TEX36: variants seen among roughly 807,000 people sequenced by gnomAD.
The protein encoded by TEX36 is testis expressed 36.
A neutral mutation model predicts 13.6 loss-of-function variants in TEX36; 12 were observed. The ratio of observed to expected loss-of-function variants is 0.88; its 90% CI spans 0.56 to 1.43. The LOEUF (loss-of-function observed/expected upper bound fraction) is 1.43. Ranked by LOEUF, TEX36 falls within the 40% of genes most tolerant of loss-of-function variation. The pLI is 0.00. For missense variants in TEX36, 224 were observed against 228.3 expected, an observed-to-expected ratio of 0.98 and a Z score of 0.12; for synonymous variants, 93 against 83.0, an observed-to-expected ratio of 1.12 and a Z score of -0.65.
At chr10:125,624,445 C>T (rs991460027) in intron 3 of TEX36, among the ~76,000 whole-genome samples, 1 of 152,098 alleles carries the variant, frequency 6.6e-6, no homozygotes, top group African/African-American at 2.4e-5. Context: ...CTGAATCAGA[C>T]CAAAGGATTT....
chr10:125,595,590 G>C (rs1415631112), intron 3 of TEX36, among the ~76,000 whole-genome samples: 1 of 152,070 alleles, frequency 6.6e-6, no homozygotes, highest in East Asian at 1.9e-4. Flanking sequence ...CCACCTTTCT[G>C]TCCTGCCCTC....
intron 3 of TEX36, among the ~76,000 whole-genome samples, chr10:125,660,083 A>T (rs1847009775): frequency 6.6e-6 from 1 of 152,186 alleles, no homozygotes; most frequent in African/African-American, 2.4e-5. Flanking sequence ...TATATTGATT[A>T]CATGTTGAAT....
At chr10:125,640,520 T>C (rs903047766) in intron 3 of TEX36, among the ~76,000 whole-genome samples, 9 of 152,218 alleles carry the variant, frequency 5.9e-5, no homozygotes, top group African/African-American at 2.2e-4. Context: ...GGTATAGCCA[T>C]AACATGTTTA....
chr10:125,600,303 G>A (rs1181435835), intron 3 of TEX36, among the ~76,000 whole-genome samples: 4 of 152,168 alleles, frequency 2.6e-5, no homozygotes, highest in Non-Finnish European at 5.9e-5. Flanking sequence ...TGGCTCACGT[G>A]TAGGCTGAGG....
intron 3 of TEX36, among the ~76,000 whole-genome samples, chr10:125,645,197 G>A (rs1373125531): frequency 6.6e-6 from 1 of 152,186 alleles, no homozygotes; most frequent in Non-Finnish European, 1.5e-5. Context: ...CACTAAATTT[G>A]TAGTCACTTG....
chr10:125,622,432 A>C (rs1846437848), intron 3 of TEX36, among the ~76,000 whole-genome samples: 1 of 152,242 alleles, frequency 6.6e-6, no homozygotes, highest in African/African-American at 2.4e-5. Context: ...TCATTTCTAC[A>C]ACTGGTCACG....
chr10:125,582,435 C>T (rs555415794), intron 3 of TEX36, among the ~76,000 whole-genome samples: 1 of 152,272 alleles, frequency 6.6e-6, no homozygotes, highest in East Asian at 1.9e-4. Flanking sequence ...GATAACTTCC[C>T]CAGTCTCAAG....
intron 3 of TEX36, among the ~76,000 whole-genome samples, chr10:125,597,460 C>T (rs1275578163): frequency 6.6e-6 from 1 of 152,202 alleles, no homozygotes; most frequent in Non-Finnish European, 1.5e-5. Flanking sequence ...CAATAGCTTA[C>T]AAGCAAGAGT....
At position 125,599,502 on chromosome 10, in the gene TEX36, G is replaced by A. The variant is rs149104420; in HGVS notation, c.265-22628C>T. Among the ~76,000 whole-genome samples the A allele has an allele frequency of 3.4e-3, 518 of 152,226 alleles. 5 individuals are homozygous for A. Among genetic ancestry groups the A allele is most frequent in the African/African-American group, 0.012 (485 of 41,534 alleles). On this transcript the variant is annotated intron_variant, in intron 3 of 3. Transcript: ENST00000532135. ...TTCTGCATTTCCTTCCTTTGTAACA[G>A]GTGTCTTTCAGTATCATGTTCTTAG...
At chr10:125,654,780 G>A (rs1395783144), downstream of TEX36, among the ~76,000 whole-genome samples, 1 of 152,168 alleles carries the variant, frequency 6.6e-6, no homozygotes, top group African/African-American at 2.4e-5. Flanking sequence ...ATGATAATGT[G>A]AGAGGGGATA....
At chr10:125,597,630 T>A (rs1271973218) in intron 3 of TEX36, among the ~76,000 whole-genome samples, 1 of 152,168 alleles carries the variant, frequency 6.6e-6, no homozygotes, top group African/African-American at 2.4e-5. Flanking sequence ...GATTTGCAAT[T>A]GGTCAAGGAA....
chr10:125,669,480 C>CA lies in TEX36; in HGVS notation c.52-7504dup, dbSNP rs151234839. On this transcript the variant is annotated intron_variant, in intron 1 of 3. Coordinates refer to ENST00000368821, the MANE Select transcript of TEX36 (RefSeq NM_001128202.3). Reference sequence around the variant, plus strand: ...GGGCAACAAGAGTGAAACTTTGTCTCAAAAAAAAAAAGAAAAATTCCTCGG... The same window carrying CA: ...GGGCAACAAGAGTGAAACTTTGTCTCAAAAAAAAAAAAGAAAAATTCCTCGG... 5.6e-3 allele frequency among the ~76,000 whole-genome samples: 778 copies of CA among 138,378 alleles called. 12 individuals carry two copies. Among genetic ancestry groups the CA allele is most frequent in the African/African-American group, 0.017 (644 of 37,434 alleles). The allele number at this position is 138,378 out of a possible 152,430, so 90.8% of individuals were successfully genotyped here.
intron 3 of TEX36, among the ~76,000 whole-genome samples, chr10:125,577,367 G>A (rs1406090600): frequency 1.3e-5 from 2 of 152,104 alleles, no homozygotes; most frequent in East Asian, 1.9e-4. Flanking sequence ...GCATGTTGGC[G>A]CACGCCTGTA....
intron 3 of TEX36, among the ~76,000 whole-genome samples, chr10:125,633,017 C>G (rs543266512): frequency 6.6e-6 from 1 of 151,990 alleles, no homozygotes; most frequent in African/African-American, 2.4e-5. Context: ...CCAGCTACTC[C>G]GGAGTCTGAG....
At chr10:125,577,542 T>C (rs745630233) in intron 3 of TEX36, among the ~76,000 whole-genome samples, 15 of 152,242 alleles carry the variant, frequency 9.9e-5, no homozygotes, top group Non-Finnish European at 1.6e-4. Context: ...AAGTATTCAT[T>C]ATTTTAAATC....
intron 3 of TEX36, among the ~76,000 whole-genome samples, chr10:125,597,816 G>A (rs964982507): frequency 6.6e-5 from 10 of 152,258 alleles, no homozygotes; most frequent in African/African-American, 1.2e-4. Context: ...TCCATTTGGC[G>A]GGGGGCCTGG....
intron 3 of TEX36, among the ~76,000 whole-genome samples, chr10:125,616,072 G>A (rs1846353733): frequency 6.6e-6 from 1 of 152,194 alleles, no homozygotes; most frequent in South Asian, 2.1e-4. Flanking sequence ...TATTTGCGTA[G>A]AGGTGTTTGT....
rs1281799405 is a variant in TEX36, at chr10:125,682,908, G to A, written c.51+31C>T. ...TGTTGACCACACCCACGTGGCATGA[G>A]AAAGGCACCAGGGGCCACCATCTTC... On this transcript the variant is annotated intron_variant, in intron 1 of 3. Transcript: ENST00000368821. 4 of 1,551,650 alleles carry A rather than the reference G, an allele frequency of 2.6e-6. No homozygotes were observed. In the East Asian group the frequency reaches 9.8e-5, roughly 38 times the overall value.
intron 3 of TEX36, among the ~76,000 whole-genome samples, chr10:125,588,424 G>C (rs1338848236): frequency 6.6e-6 from 1 of 152,174 alleles, no homozygotes; most frequent in Non-Finnish European, 1.5e-5. Context: ...TCAAGAGGTT[G>C]AATTGGCTCA....
Sources: allele counts gnomAD v4.1 joint callset (sites outside exome capture counted in the v4.1 genomes callset), GRCh38; gene constraint gnomAD v4.1.1; transcripts MANE v1.5; gene names NCBI Gene and HGNC (gene_info 2026-07-23, HGNC 2026-07-21).